The following DPP10 variants were observed in gnomAD, a reference collection of about 807,000 sequenced individuals.
DPP10 encodes dipeptidyl peptidase like 10, also known as inactive dipeptidyl peptidase 10.
In DPP10, 33 loss-of-function variants were observed where a neutral mutation model predicts 120.9. That is an observed-to-expected ratio of 0.27 (90% CI 0.21 to 0.37). The LOEUF is 0.37. Ranked by LOEUF, DPP10 falls within the 10% of genes least tolerant of loss-of-function variation. The pLI, the probability that DPP10 is intolerant of heterozygous loss-of-function variation, is 1.00. For missense variants in DPP10, 816 were observed against 942.8 expected (o/e 0.87, Z 1.76); for synonymous variants, 337 against 326.1 (o/e 1.03, Z -0.36).
At chr2:114,798,787 A>C (rs1383505118) in intron 1 of DPP10, among the ~76,000 whole-genome samples, 1 of 152,144 alleles carries the variant, frequency 6.6e-6, no homozygotes, top group East Asian at 1.9e-4. Context: ...ATATTTCTTC[A>C]CTTTTCCATT....
intron 1 of DPP10, among the ~76,000 whole-genome samples, chr2:114,787,871 C>CTTTACTAAATTCATTACTAAA (rs1558741458): frequency 6.6e-6 from 1 of 152,148 alleles, no homozygotes; most frequent in African/African-American, 2.4e-5. Context: ...AATTCATTAC[C>CTTTACTAAATTCATTACTAAA]TTCTTGCTAT....
chr2:115,506,014 CAG>C (rs2076922424), intron 4 of DPP10, among the ~76,000 whole-genome samples: 2 of 139,326 alleles, frequency 1.4e-5, no homozygotes, highest in South Asian at 2.3e-4. Context: ...ATAAAACACT[CAG>C]TGTTTTATTA....
At chr2:115,323,249 A>G (rs2062158449) in intron 2 of DPP10, among the ~76,000 whole-genome samples, 2 of 152,172 alleles carry the variant, frequency 1.3e-5, no homozygotes, top group Admixed American at 1.3e-4. Context: ...AGTAGATTCC[A>G]TGTCAAGAAA....
intron 1 of DPP10, among the ~76,000 whole-genome samples, chr2:114,450,666 G>T (rs1348398988): frequency 2.0e-5 from 3 of 151,662 alleles, no homozygotes; most frequent in Non-Finnish European, 4.4e-5. Flanking sequence ...AAATAACAAG[G>T]TTCCTCAGGG....
At chr2:114,932,927 C>G (rs1182912981) in intron 1 of DPP10, among the ~76,000 whole-genome samples, 1 of 152,172 alleles carries the variant, frequency 6.6e-6, no homozygotes, top group Non-Finnish European at 1.5e-5. Flanking sequence ...CCGGGGCAAT[C>G]ATTTGTGTGG....
At chr2:115,821,670 A>G (rs1687830459) in intron 21 of DPP10, among the ~76,000 whole-genome samples, 1 of 151,432 alleles carries the variant, frequency 6.6e-6, no homozygotes, top group South Asian at 2.1e-4. Flanking sequence ...ATTTGAATTG[A>G]TTATTTTTTT....
chr2:115,263,251 T>C (rs1234549509), intron 1 of DPP10, among the ~76,000 whole-genome samples: 1 of 152,226 alleles, frequency 6.6e-6, no homozygotes, highest in Admixed American at 6.5e-5. Context: ...TTGGGAGATT[T>C]GATATTAATA....
chr2:114,807,054 C>G (rs1684795617), intron 1 of DPP10, among the ~76,000 whole-genome samples: 1 of 152,152 alleles, frequency 6.6e-6, no homozygotes, highest in African/African-American at 2.4e-5. Context: ...ATGATCTTTT[C>G]TTAAACATTT....
At chr2:114,731,142 C>G (rs1371570728) in intron 1 of DPP10, among the ~76,000 whole-genome samples, 3 of 151,840 alleles carry the variant, frequency 2.0e-5, no homozygotes, top group Admixed American at 6.6e-5. Context: ...AATTCACAGC[C>G]TCGTTACTCC....
intron 1 of DPP10, among the ~76,000 whole-genome samples, chr2:114,476,677 A>G (rs1214622330): frequency 6.6e-6 from 1 of 152,200 alleles, no homozygotes. Context: ...CGTATGTGTG[A>G]GTGGGGAGCT....
At chr2:115,254,477 C>G (rs1271109742) in intron 1 of DPP10, among the ~76,000 whole-genome samples, 1 of 152,160 alleles carries the variant, frequency 6.6e-6, no homozygotes, top group Non-Finnish European at 1.5e-5. Flanking sequence ...TGGACCCTCC[C>G]AAATCTCATG....
chr2:115,402,263 T>A (rs2068125135), intron 3 of DPP10, among the ~76,000 whole-genome samples: 1 of 152,080 alleles, frequency 6.6e-6, no homozygotes, highest in Non-Finnish European at 1.5e-5. Flanking sequence ...TCAGGCACTC[T>A]TTACAGAAGG....
chr2:114,544,110 C>T (rs1687176958), intron 1 of DPP10, among the ~76,000 whole-genome samples: 1 of 151,594 alleles, frequency 6.6e-6, no homozygotes, highest in Non-Finnish European at 1.5e-5. Context: ...CAAGTTACTG[C>T]ATATAGTGTG....
chr2:115,672,621 C>CTACT (rs2089959294), intron 5 of DPP10, among the ~76,000 whole-genome samples: 1 of 145,560 alleles, frequency 6.9e-6, no homozygotes, highest in African/African-American at 2.6e-5. Context: ...CATGGCGCCC[C>CTACT]TTCTTTCTTT....
chr2:115,551,571 G>T lies in DPP10; in HGVS notation c.441+25599G>T, dbSNP rs536539193. On this transcript the variant is annotated intron_variant, in intron 5 of 25. Transcript: ENST00000410059. ...TGATGAATTTCAAGATGCTCATGTT[G>T]ATTTTTCTTACATTTCTCTTTATTC... Among the ~76,000 whole-genome samples the T allele has an allele frequency of 3.9e-5, 6 of 152,188 alleles. No homozygotes were observed. The East Asian group carries it at 1.2e-3, about 29-fold the overall frequency.
At chr2:115,556,221 GA>G (rs923282298) in intron 5 of DPP10, among the ~76,000 whole-genome samples, 14 of 151,610 alleles carry the variant, frequency 9.2e-5, no homozygotes, top group African/African-American at 3.1e-4. Flanking sequence ...TACAAATATT[GA>G]AAAAAATGAA....
chr2:115,704,146 T>G (rs192058269), intron 7 of DPP10, among the ~76,000 whole-genome samples: 1 of 152,032 alleles, frequency 6.6e-6, no homozygotes, highest in African/African-American at 2.4e-5. Flanking sequence ...GCACATATTT[T>G]TCTCTACCTG....
At chr2:115,817,279 A>AGGGGGACCTTGAACTATTTTT (rs1687351889) in intron 21 of DPP10, among the ~76,000 whole-genome samples, 1 of 152,064 alleles carries the variant, frequency 6.6e-6, no homozygotes, top group Non-Finnish European at 1.5e-5. Context: ...TGAAAGGAAA[A>AGGGGGACCTTGAACTATTTTT]GGGGGACCTT....
chr2:114,977,518 T>C (rs534311387), intron 1 of DPP10, among the ~76,000 whole-genome samples: 3 of 152,260 alleles, frequency 2.0e-5, no homozygotes, highest in Non-Finnish European at 2.9e-5. Context: ...TTGGAGCACA[T>C]AGCTCCATTC....
Sources: allele counts gnomAD v4.1 joint callset (sites outside exome capture counted in the v4.1 genomes callset), GRCh38; gene constraint gnomAD v4.1.1; transcripts MANE v1.5; gene names NCBI Gene and HGNC (gene_info 2026-07-23, HGNC 2026-07-21).